AEBP2: variants seen among roughly 807,000 people sequenced by gnomAD.
AEBP2 encodes the protein zinc finger protein AEBP2.
AEBP2 carries 10 observed loss-of-function variants against 50.8 expected under a neutral mutation model. That is an observed-to-expected ratio of 0.20 (90% CI 0.12 to 0.33). The LOEUF is 0.33. Among genes scored for constraint, AEBP2 ranks in the 10% least tolerant of loss-of-function variants. The pLI, the probability that AEBP2 is intolerant of heterozygous loss-of-function variation, is 1.00. For missense variants in AEBP2, 570 were observed against 688.0 expected (o/e 0.83, Z 1.92); for synonymous variants, 296 against 261.3 (o/e 1.13, Z -1.28).
At chr12:19,485,732 A>T (rs1371564257) in intron 3 of AEBP2, among the ~76,000 whole-genome samples, 1 of 148,912 alleles carries the variant, frequency 6.7e-6, no homozygotes. Context: ...AAAGAAAAGC[A>T]GGCCTCTATA....
intron 3 of AEBP2, 87 bp from the exon 4 acceptor site, chr12:19,493,712 TC>T: frequency 7.9e-7 from 1 of 1,264,170 alleles, no homozygotes; most frequent in Non-Finnish European, 1.1e-6. Flanking sequence ...CTTATTTACT[TC>T]CGAAAATACT....
rs750348118 is a variant in AEBP2 at position 19,462,613 on chromosome 12, A to T, written c.775A>T (p.Ile259Phe). 1.2e-6 allele frequency: 2 copies of T among 1,613,986 alleles called. No individual in the cohort carries two copies. Among genetic ancestry groups the T allele is most frequent in the Admixed American group, 3.3e-5 (2 of 60,012 alleles). Reference protein sequence around the residue: ...QGSTTSSSKNIAYNCCWDQCQ... With the variant: ...QGSTTSSSKNFAYNCCWDQCQ... ...AAGCACTACTTCTTCAAGCAAAAAT[A>T]TTGCCTATAATTGTTGTTGGGACCA... The change falls in exon 2 of 8, where the codon ATT (isoleucine) becomes TTT (phenylalanine). Residue 259 changes from isoleucine to phenylalanine, a missense_variant. Coordinates refer to ENST00000266508, the MANE Select transcript of AEBP2 (RefSeq NM_153207.5).
intron 1 of AEBP2, among the ~76,000 whole-genome samples, chr12:19,416,937 TC>T (rs2095742932): frequency 6.6e-6 from 1 of 151,568 alleles, no homozygotes; most frequent in African/African-American, 2.4e-5. Context: ...AGTGGCGTGA[TC>T]TTGGCTCCCT....
chr12:19,409,604 G>C (rs1320651800), intron 1 of AEBP2, among the ~76,000 whole-genome samples: 1 of 152,168 alleles, frequency 6.6e-6, no homozygotes, highest in East Asian at 1.9e-4. Flanking sequence ...GGGGGGAAAT[G>C]ATTTTAGTCT....
At chr12:19,484,250 A>ATTTTTTTTTT (rs59403434) in intron 3 of AEBP2, among the ~76,000 whole-genome samples, 2 of 107,518 alleles carry the variant, frequency 1.9e-5, no homozygotes, top group Non-Finnish European at 1.8e-5. Flanking sequence ...CGCCCAGCCA[A>ATTTTTTTTTT]TTTTTTTTTT....
intron 2 of AEBP2, among the ~76,000 whole-genome samples, chr12:19,465,444 A>G (rs527301773): frequency 1.3e-5 from 2 of 152,310 alleles, no homozygotes; most frequent in African/African-American, 4.8e-5. Flanking sequence ...GATCAAAGAT[A>G]GGAGTCCTGA....
chr12:19,432,635 AGTGAGCCATG>A (rs1056065253), intron 1 of AEBP2, among the ~76,000 whole-genome samples: 4 of 152,090 alleles, frequency 2.6e-5, no homozygotes, highest in African/African-American at 4.8e-5. Context: ...TTGAGTCTAC[AGTGAGCCATG>A]ATTGCGTCAC....
intron 1 of AEBP2, chr12:19,413,213 A>G (rs2095740423): frequency 1.3e-6 from 1 of 792,794 alleles, no homozygotes; most frequent in Non-Finnish European, 2.3e-6. Context: ...GAGAAACAGT[A>G]TCTTAACCCA....
At chr12:19,426,915 A>G (rs939017942) in intron 1 of AEBP2, among the ~76,000 whole-genome samples, 1 of 152,058 alleles carries the variant, frequency 6.6e-6, no homozygotes, top group Admixed American at 6.6e-5. Flanking sequence ...AAAATAACCA[A>G]AAAACATTAT....
Position 19,473,243 on chromosome 12 carries a change from A to T in AEBP2, c.880-5A>T. On this transcript the variant is annotated splice_region_variant and splice_polypyrimidine_tract_variant and intron_variant, in intron 2 of 7. Transcript: ENST00000266508. Reference sequence around the variant, plus strand: ...AAATTAATATGGTTCTGTTTTTCTTAACAGGTATTTGTTTGCTTATGGAAA... The same window carrying T: ...AAATTAATATGGTTCTGTTTTTCTTTACAGGTATTTGTTTGCTTATGGAAA... 7.1e-7 allele frequency: 1 copy of T among 1,399,998 alleles called. No individual in the cohort carries two copies. Among genetic ancestry groups the T allele is most frequent in the East Asian group, 2.7e-5 (1 of 37,382 alleles). The allele number at this position is 1,399,998 out of a possible 1,614,324, so 86.7% of individuals were successfully genotyped here.
intron 7 of AEBP2, 128 bp from the exon 8 acceptor site, chr12:19,517,959 A>C (rs1391599620): frequency 1.6e-5 from 14 of 888,540 alleles, no homozygotes; most frequent in Non-Finnish European, 1.9e-5. Flanking sequence ...ATGTTTTGGA[A>C]ATACATTTTT....
At chr12:19,425,355 G>A (rs905434868) in intron 1 of AEBP2, among the ~76,000 whole-genome samples, 1 of 152,130 alleles carries the variant, frequency 6.6e-6, no homozygotes, top group African/African-American at 2.4e-5. Flanking sequence ...TTTTGTATTG[G>A]TGAAGCTAGT....
intron 1 of AEBP2, among the ~76,000 whole-genome samples, chr12:19,448,939 C>T (rs1948120014): frequency 1.3e-5 from 2 of 152,148 alleles, no homozygotes; most frequent in African/African-American, 4.8e-5. Flanking sequence ...CTTGGCCTCC[C>T]AAAGTGCAGG....
chr12:19,475,264 A>G (rs570833533), intron 3 of AEBP2, among the ~76,000 whole-genome samples: 21 of 150,448 alleles, frequency 1.4e-4, no homozygotes, highest in African/African-American at 4.4e-4. Flanking sequence ...AGTCTATTAT[A>G]TCATTCTTAT....
intron 3 of AEBP2, among the ~76,000 whole-genome samples, chr12:19,483,747 A>T (rs921409029): frequency 6.6e-6 from 1 of 152,136 alleles, no homozygotes; most frequent in Non-Finnish European, 1.5e-5. Flanking sequence ...GTTTAACCAA[A>T]CTTTGTAGAT....
chr12:19,482,992 C>T (rs1241646248), intron 3 of AEBP2, among the ~76,000 whole-genome samples: 5 of 152,280 alleles, frequency 3.3e-5, no homozygotes, highest in African/African-American at 1.2e-4. Context: ...AAAGCAAGGC[C>T]TTCAGACCTC....
chr12:19,494,001 G>C lies in AEBP2; in HGVS notation c.1174+15G>C, dbSNP rs1040142682. Reference sequence around the variant, plus strand: ...ACGCTCATTACGTAAGTGTTACACTGAGAAAATCTGGTGTATTTCATGGTT... The same window carrying C: ...ACGCTCATTACGTAAGTGTTACACTCAGAAAATCTGGTGTATTTCATGGTT... On this transcript the variant is annotated intron_variant, in intron 4 of 7. Coordinates refer to ENST00000266508, the MANE Select transcript of AEBP2 (RefSeq NM_153207.5). 1.9e-6 allele frequency: 3 copies of C among 1,546,134 alleles called. No individual in the cohort carries two copies. The highest frequency in any genetic ancestry group is 2.6e-6 in the Non-Finnish European group (3 of 1,143,030).
At chr12:19,474,802 T>C (rs1030486079) in intron 3 of AEBP2, among the ~76,000 whole-genome samples, 2 of 151,454 alleles carry the variant, frequency 1.3e-5, no homozygotes, top group African/African-American at 2.4e-5. Context: ...AGTTTTTTTT[T>C]CCCCCCTCAA....
chr12:19,486,896 G>T (rs779256754), intron 3 of AEBP2, among the ~76,000 whole-genome samples: 2 of 151,664 alleles, frequency 1.3e-5, no homozygotes, highest in Non-Finnish European at 2.9e-5. Context: ...GGCCTCCAAC[G>T]ATCTACCCGC....
Sources: allele counts gnomAD v4.1 joint callset (sites outside exome capture counted in the v4.1 genomes callset), GRCh38; gene constraint gnomAD v4.1.1; transcripts MANE v1.5; gene names NCBI Gene and HGNC (gene_info 2026-07-23, HGNC 2026-07-21).